The following CDK19 variants were observed in gnomAD, a reference collection of about 807,000 sequenced individuals.
CDK19 encodes cyclin dependent kinase 19.
Under a neutral mutation model 68.3 loss-of-function variants are expected in CDK19, and 20 were observed. The ratio of observed to expected loss-of-function variants is 0.29; its 90% CI spans 0.21 to 0.43. The LOEUF (loss-of-function observed/expected upper bound fraction) is 0.43, where lower values mean the gene tolerates loss of function less well. CDK19 is among the 20% of genes least tolerant of loss of function. The pLI is 1.00. For synonymous variants in CDK19, 221 were observed against 222.8 expected (o/e 0.99, Z 0.07); for missense variants, 339 against 623.5 (o/e 0.54, Z 4.86).
chr6:110,757,061 T>C lies in CDK19; in HGVS notation c.129-10860A>G, dbSNP rs1778886117. Among the ~76,000 whole-genome samples, 6 of 152,202 alleles carry C rather than the reference T, an allele frequency of 3.9e-5. No individual in the cohort carries two copies. In the South Asian group the frequency reaches 6.2e-4, roughly 16 times the overall value. ...GTGCAACCAAACCTCTTTCACATGA[T>C]GGCACTCACATAATGCTATTATTTC... On this transcript the variant is annotated intron_variant, in intron 1 of 12. Coordinates refer to ENST00000368911, the MANE Select transcript of CDK19 (RefSeq NM_015076.5).
In CDK19 at chr6:110,815,023, C is replaced by T. The variant is rs1336501083; in HGVS notation, c.114G>A (p.Ala38=). Residue 38 remains alanine, a synonymous_variant, in exon 1 of 13, where the codon GCG becomes GCA. Coordinates refer to ENST00000368911, the MANE Select transcript of CDK19 (RefSeq NM_015076.5). ...CCTGCTCTTACCCATCTTTCCGCCT[C>T]GCCTTGTAGACGTGACCGTAGGTGC... is the stretch of plus-strand genomic sequence containing the variant. The part of the protein sequence containing the change: ...GRGTYGHVYK[A]RRKDGKDEKE... 3 of 1,604,114 alleles carry T rather than the reference C, an allele frequency of 1.9e-6. No individual in the cohort carries two copies. The highest frequency in any genetic ancestry group is 1.7e-6 in the Non-Finnish European group (2 of 1,176,044).
In CDK19 at chr6:110,610,211, T is replaced by C. The variant is rs1329139339; in HGVS notation, c.*4324A>G. ...AAAGCTACAGTCATCTCTATAACCA[T>C]ATAAAGGGGGATGCGTGCAGAAAAT... On this transcript the variant is annotated 3_prime_UTR_variant, in exon 13 of 13. Transcript: ENST00000368911. 1 of 152,028 alleles carries C rather than the reference T, an allele frequency of 6.6e-6. No homozygotes were observed. The highest frequency in any genetic ancestry group is 1.5e-5 in the Non-Finnish European group (1 of 67,928). The allele number at this position is 152,028 out of a possible 1,614,324, so 9.4% of individuals were successfully genotyped here. A position where few individuals can be genotyped will look rare whatever the true frequency, so the allele number is the denominator to read the frequency against.
chr6:110,798,653 A>G (rs867278054), intron 1 of CDK19, among the ~76,000 whole-genome samples: 7 of 151,240 alleles, frequency 4.6e-5, no homozygotes, highest in African/African-American at 1.7e-4. Context: ...AAAAAAAGAA[A>G]GAAAGAAACT....
intron 1 of CDK19, among the ~76,000 whole-genome samples, chr6:110,800,042 A>T (rs1416038017): frequency 6.6e-6 from 1 of 152,192 alleles, no homozygotes; most frequent in African/African-American, 2.4e-5. Context: ...TAAATTTTAA[A>T]ATCATAGTAT....
At chr6:110,794,863 A>G (rs1486487283) in intron 1 of CDK19, among the ~76,000 whole-genome samples, 1 of 152,228 alleles carries the variant, frequency 6.6e-6, no homozygotes, top group Non-Finnish European at 1.5e-5. Flanking sequence ...AGATGACTAG[A>G]AAACTTCCTG....
Position 110,723,146 on chromosome 6 carries a change from AAAAAC to A in CDK19, c.204+22975_204+22979del, listed in dbSNP as rs1296536026. 1.2e-4 allele frequency among the ~76,000 whole-genome samples: 12 copies of A among 102,340 alleles called. 1 individual carries two copies. The highest frequency in any genetic ancestry group is 2.0e-4 in the Non-Finnish European group (8 of 39,874). The allele number at this position is 102,340 out of a possible 152,430, so 67.1% of individuals were successfully genotyped here. ...TTTCAAGGCTTTGTCAAAAAAAACAAAAAACAAAAAAAAAAACGCAGATTTGTCCT... is the reference window on the plus strand; with the variant it reads ...TTTCAAGGCTTTGTCAAAAAAAACAAAAAAAAAAAAACGCAGATTTGTCCT... On this transcript the variant is annotated intron_variant, in intron 2 of 12. Coordinates refer to ENST00000368911, the MANE Select transcript of CDK19 (RefSeq NM_015076.5).
At chr6:110,805,991 G>T (rs1273423847) in intron 1 of CDK19, among the ~76,000 whole-genome samples, 4 of 134,260 alleles carry the variant, frequency 3.0e-5, no homozygotes, top group African/African-American at 1.1e-4. Flanking sequence ...AAAAAAAAAA[G>T]TAAGTAACTT....
chr6:110,802,448 T>C (rs1198618647), intron 1 of CDK19, among the ~76,000 whole-genome samples: 2 of 152,160 alleles, frequency 1.3e-5, no homozygotes, highest in Admixed American at 6.6e-5. Context: ...ATACCGCATG[T>C]CCTCACTTAT....
At chr6:110,786,410 T>C (rs1781225685) in intron 1 of CDK19, among the ~76,000 whole-genome samples, 1 of 152,168 alleles carries the variant, frequency 6.6e-6, no homozygotes, top group African/African-American at 2.4e-5. Flanking sequence ...GGCTCTGTCA[T>C]AAACCCTGTG....
At chr6:110,684,005 AG>A (rs1772237990) in intron 2 of CDK19, among the ~76,000 whole-genome samples, 1 of 152,066 alleles carries the variant, frequency 6.6e-6, no homozygotes, top group African/African-American at 2.4e-5. Context: ...CACCATGCCC[AG>A]CCTTAATCTT....
intron 1 of CDK19, among the ~76,000 whole-genome samples, chr6:110,807,504 G>A (rs958096554): frequency 6.6e-6 from 1 of 152,110 alleles, no homozygotes; most frequent in South Asian, 2.1e-4. Flanking sequence ...CTGTCACCCA[G>A]GCTGGAGTGC....
At chr6:110,791,038 G>T (rs1392460196) in intron 1 of CDK19, among the ~76,000 whole-genome samples, 1 of 152,044 alleles carries the variant, frequency 6.6e-6, no homozygotes, top group African/African-American at 2.4e-5. Flanking sequence ...GGGCATGGTG[G>T]CAGGCACCTG....
At chr6:110,652,899 G>A (rs749444274) in intron 4 of CDK19, among the ~76,000 whole-genome samples, 5 of 152,170 alleles carry the variant, frequency 3.3e-5, no homozygotes, top group East Asian at 1.9e-4. Flanking sequence ...CAGTGACATC[G>A]TTTAAGGGAG....
chr6:110,652,538 A>G (rs1781037536), intron 4 of CDK19, among the ~76,000 whole-genome samples: 1 of 152,234 alleles, frequency 6.6e-6, no homozygotes, highest in African/African-American at 2.4e-5. Flanking sequence ...TTGAGCTTAA[A>G]CCCTTTAAAA....
At position 110,621,564 on chromosome 6, in the gene CDK19, A is replaced by T. The variant is rs1227824190; in HGVS notation, c.1111-194T>A. On this transcript the variant is annotated intron_variant, in intron 11 of 12. Coordinates refer to ENST00000368911, the MANE Select transcript of CDK19 (RefSeq NM_015076.5). This position sits in a 1 kb window ranked among gnomAD's most constrained non-coding sequence, Gnocchi z 5.4. ...CCCAAAGGGCAAGGCGCTGAGCCCC[A>T]AACAGGACTCTTTCCCTGAAGTTCA... Among the ~76,000 whole-genome samples, 1 of 152,160 alleles carries T rather than the reference A, an allele frequency of 6.6e-6. No individual in the cohort carries two copies. The highest frequency in any genetic ancestry group is 2.4e-5 in the African/African-American group (1 of 41,438).
chr6:110,703,511 C>T (rs1390571375), intron 2 of CDK19, among the ~76,000 whole-genome samples: 2 of 152,044 alleles, frequency 1.3e-5, no homozygotes, highest in Non-Finnish European at 2.9e-5. Flanking sequence ...TCTAAAAGGA[C>T]AGCTATACAA....
chr6:110,629,391 G>A (rs933027682), intron 6 of CDK19, among the ~76,000 whole-genome samples: 3 of 151,918 alleles, frequency 2.0e-5, no homozygotes, highest in Admixed American at 2.0e-4. Context: ...CACCATCACT[G>A]CCACTCCCCT....
At chr6:110,723,292 T>C (rs1397111115) in intron 2 of CDK19, among the ~76,000 whole-genome samples, 4 of 152,114 alleles carry the variant, frequency 2.6e-5, no homozygotes, top group Non-Finnish European at 4.4e-5. Context: ...GCCATCAAAC[T>C]ATTTTGGCCC....
intron 1 of CDK19, among the ~76,000 whole-genome samples, chr6:110,780,197 G>A (rs1306924976): frequency 2.7e-5 from 4 of 149,354 alleles, no homozygotes; most frequent in African/African-American, 9.9e-5. Flanking sequence ...CAGCCTGGGC[G>A]ACGGAGTGAG....
Sources: gnomAD v4.1 joint callset for allele counts (sites outside exome capture counted in the v4.1 genomes callset) on GRCh38, gnomAD v4.1.1 for gene constraint, Gnocchi (gnomAD v3.1) non-coding constraint, MANE v1.5 for transcripts, NCBI Gene and HGNC (gene_info 2026-07-23, HGNC 2026-07-21) for gene names.